The following SLC41A1 variants were observed in gnomAD, a reference collection of about 807,000 sequenced individuals.
The protein encoded by SLC41A1 is solute carrier family 41 (magnesium transporter), member 1.
A neutral mutation model predicts 47.3 loss-of-function variants in SLC41A1; 20 were observed. That is an observed-to-expected ratio of 0.42 (90% CI 0.30 to 0.61). The LOEUF is 0.61. Among genes scored for constraint, SLC41A1 ranks in the 20% least tolerant of loss-of-function variants. The pLI, the probability that SLC41A1 is intolerant of heterozygous loss-of-function variation, is 0.17. For synonymous variants in SLC41A1, 282 were observed against 272.7 expected (o/e 1.03, Z -0.34); for missense variants, 504 against 674.1 (o/e 0.75, Z 2.79).
At chr1:205,803,896 C>T (rs928453243) in intron 2 of SLC41A1, among the ~76,000 whole-genome samples, 1 of 152,032 alleles carries the variant, frequency 6.6e-6, no homozygotes, top group African/African-American at 2.4e-5. Flanking sequence ...GTGGGGACTA[C>T]AGGTATGAGG....
chr1:205,794,178 T>G (rs1655689638), intron 10 of SLC41A1, among the ~76,000 whole-genome samples: 1 of 152,144 alleles, frequency 6.6e-6, no homozygotes, highest in Non-Finnish European at 1.5e-5. Context: ...GTAAAACTGG[T>G]TCAATCTGAA....
In SLC41A1 at chr1:205,799,036, A is replaced by T. The variant is rs1303920116; in HGVS notation, c.618T>A (p.Asp206Glu). ...IAAVVFGWIPDGHFSIPHAFL... is the reference protein window; with the variant it reads ...IAAVVFGWIPEGHFSIPHAFL... ...AGGCGTGCGGAATACTGAAGTGGCC[A>T]TCAGGGATCCAGCCAAAGACGACGG... Residue 206 changes from aspartate to glutamate, a missense_variant, in exon 5 of 11, where the codon GAT becomes GAA. By Grantham distance (45) the Asp-to-Glu change is conservative. This residue lies in a region of SLC41A1 where 421 missense variants were observed against 601.6 expected (regional missense o/e 0.70). Transcript: ENST00000367137. 8 of 1,613,816 alleles carry T rather than the reference A, an allele frequency of 5.0e-6. No individual in the cohort carries two copies. The South Asian group carries it at 8.8e-5, about 18-fold the overall frequency.
chr1:205,804,301 G>A (rs562451228), intron 2 of SLC41A1, among the ~76,000 whole-genome samples: 2 of 152,210 alleles, frequency 1.3e-5, no homozygotes, highest in East Asian at 3.9e-4. Flanking sequence ...AGGATCCTGG[G>A]GAAGGACTCA....
At chr1:205,811,406 T>C (rs2102513315) in intron 1 of SLC41A1, among the ~76,000 whole-genome samples, 1 of 152,316 alleles carries the variant, frequency 6.6e-6, no homozygotes, top group East Asian at 1.9e-4. Context: ...CCTCAGCAAC[T>C]GGGGGTGGGT....
chr1:205,799,940 G>A, intron 3 of SLC41A1, 110 bp from the exon 4 acceptor site: 1 of 912,826 alleles, frequency 1.1e-6, no homozygotes, highest in African/African-American at 1.6e-5. Flanking sequence ...CTAAGACTCT[G>A]AGAGCAGGAC....
In SLC41A1 at chr1:205,795,379, C is replaced by G; in HGVS notation, c.1172G>C (p.Arg391Pro). The G allele has an allele frequency of 6.2e-7, 1 of 1,614,176 alleles. No homozygotes were observed. Among genetic ancestry groups the G allele is most frequent in the Non-Finnish European group, 8.5e-7 (1 of 1,180,026 alleles). ...GAAGGTGGTACAAGGACTGGGACAG[C>G]GGCGAGGAGCTTGCTCAGAGTTCTC... is the stretch of plus-strand genomic sequence containing the variant. Reference protein sequence around the residue: ...PGENSEQAPRRCPSPCTTFFS... With the variant: ...PGENSEQAPRPCPSPCTTFFS... The change falls in exon 9 of 11, where the codon CGC becomes CCC. Residue 391 changes from arginine (R) to proline (P), a missense_variant. Coordinates refer to ENST00000367137, the MANE Select transcript of SLC41A1 (RefSeq NM_173854.6).
At chr1:205,803,628 A>C (rs566924330) in intron 2 of SLC41A1, among the ~76,000 whole-genome samples, 17 of 125,056 alleles carry the variant, frequency 1.4e-4, no homozygotes, top group African/African-American at 4.9e-4. Context: ...AAAGTAGTCA[A>C]ATTCTTTTTT....
Position 205,810,585 on chromosome 1 carries a change from AC to A in SLC41A1, c.-145del. The A allele has an allele frequency of 7.9e-7, 1 of 1,263,866 alleles. No individual in the cohort carries two copies. Among genetic ancestry groups the A allele is most frequent in the Non-Finnish European group, 1.1e-6 (1 of 898,230 alleles). The allele number at this position is 1,263,866 out of a possible 1,614,324, so 78.3% of individuals were successfully genotyped here. On this transcript the variant is annotated 5_prime_UTR_variant, in exon 2 of 11. An upstream open reading frame in the 5' UTR loses its in-frame stop. Coordinates refer to ENST00000367137, the MANE Select transcript of SLC41A1 (RefSeq NM_173854.6). The surrounding 1 kb of genome is among the most constrained non-coding windows in gnomAD (Gnocchi z 5.5). ...CCTCTTCCCACGGCTCTCCACTCCT[AC>A]CAGGCACTGCAAAAACTGATCCACC...
intron 6 of SLC41A1, among the ~76,000 whole-genome samples, chr1:205,798,307 A>C (rs906372073): frequency 6.6e-6 from 1 of 152,174 alleles, no homozygotes; most frequent in African/African-American, 2.4e-5. Context: ...CAGAGGACAG[A>C]GACTCTAGGT....
At chr1:205,802,300 C>G (rs967455128) in intron 2 of SLC41A1, among the ~76,000 whole-genome samples, 1 of 152,186 alleles carries the variant, frequency 6.6e-6, no homozygotes, top group Non-Finnish European at 1.5e-5. Context: ...TACACCTCCT[C>G]ACGTAGACCG....
intron 8 of SLC41A1, 78 bp from the exon 9 acceptor site, chr1:205,795,556 T>C: frequency 6.4e-6 from 10 of 1,554,844 alleles, no homozygotes; most frequent in Non-Finnish European, 8.8e-6. Context: ...TCTCACTCTT[T>C]GTCTTCTATC....
In SLC41A1 at chr1:205,799,170, T is replaced by C. The variant is rs1209941201; in HGVS notation, c.553-69A>G. ...GCTTCCTAAGCTGAGGTCATAAGCA[T>C]CTGGGCAGACCTCTTCCTGGCTGGC... is the stretch of plus-strand genomic sequence containing the variant. On this transcript the variant is annotated intron_variant, in intron 4 of 10. Coordinates refer to ENST00000367137, the MANE Select transcript of SLC41A1 (RefSeq NM_173854.6). 3 of 1,603,010 alleles carry C rather than the reference T, an allele frequency of 1.9e-6. No homozygotes were observed. In the African/African-American group the frequency reaches 4.0e-5, roughly 21 times the overall value.
At chr1:205,805,660 A>C (rs150639008) in intron 2 of SLC41A1, among the ~76,000 whole-genome samples, 294 of 152,244 alleles carry the variant, frequency 1.9e-3, no homozygotes, top group Non-Finnish European at 3.0e-3. Flanking sequence ...TTCCTTCTCT[A>C]ACCTTGGTGT....
chr1:205,798,847 GGTGA>G, intron 5 of SLC41A1, 32 bp from the exon 6 acceptor site: 1 of 1,614,130 alleles, frequency 6.2e-7, no homozygotes, highest in Non-Finnish European at 8.5e-7. Flanking sequence ...GGGCAGGCAG[GGTGA>G]GAAGAGATAA....
chr1:205,800,924 G>GC (rs772016862), intron 3 of SLC41A1, 29 bp downstream of exon 3: 3 of 1,590,712 alleles, frequency 1.9e-6, no homozygotes, highest in Non-Finnish European at 1.7e-6. Context: ...TCCTCTCTGT[G>GC]CCCCACTCCT....
At chr1:205,806,881 AT>A (rs996851492) in intron 2 of SLC41A1, among the ~76,000 whole-genome samples, 1 of 151,686 alleles carries the variant, frequency 6.6e-6, no homozygotes, top group African/African-American at 2.4e-5. Flanking sequence ...TTTTATTTTT[AT>A]TTTTTTTGCA....
chr1:205,791,439 AGGTGGGAGTGTGG>A lies in SLC41A1; in HGVS notation c.*81_*93del. Reference sequence around the variant, plus strand: ...GGTATCAAAGTGAAGTCCTAGAAAGAGGTGGGAGTGTGGGGTGGAGGAGGGACAGGGGAACAAA... The same window carrying A: ...GGTATCAAAGTGAAGTCCTAGAAAGAGGTGGAGGAGGGACAGGGGAACAAA... On this transcript the variant is annotated 3_prime_UTR_variant, in exon 11 of 11. Coordinates refer to ENST00000367137, the MANE Select transcript of SLC41A1 (RefSeq NM_173854.6). The surrounding 1 kb of genome is among the most constrained non-coding windows in gnomAD (Gnocchi z 4.0). The A allele has an allele frequency of 7.0e-7, 1 of 1,420,082 alleles. No individual in the cohort carries two copies. 88.0% of individuals were successfully genotyped at this position (1,420,082 alleles called of 1,614,324 possible). A position where few individuals can be genotyped will look rare whatever the true frequency, so the allele number is the denominator to read the frequency against.
Position 205,810,672 on chromosome 1 carries a change from C to G in SLC41A1, c.-231G>C. 1 of 607,846 alleles carries G rather than the reference C, an allele frequency of 1.6e-6. No individual in the cohort carries two copies. Among genetic ancestry groups the G allele is most frequent in the Non-Finnish European group, 2.9e-6 (1 of 349,062 alleles). The allele number at this position is 607,846 out of a possible 1,614,324, so 37.7% of individuals were successfully genotyped here. A position where few individuals can be genotyped will look rare whatever the true frequency, so the allele number is the denominator to read the frequency against. On this transcript the variant is annotated 5_prime_UTR_variant, in exon 2 of 11. Transcript: ENST00000367137. This position sits in a 1 kb window ranked among gnomAD's most constrained non-coding sequence, Gnocchi z 5.5. ...TGGGAAGAAACAAGAAATTCCTCAC[C>G]AGACAGCCACTAGGGGTGCAGATGC...
chr1:205,798,870 C>A, intron 5 of SLC41A1, 55 bp from the exon 6 acceptor site: 1 of 1,614,086 alleles, frequency 6.2e-7, no homozygotes, highest in South Asian at 1.1e-5. Context: ...AAAGGAGTCT[C>A]AACAAACAAA....
Sources: allele counts gnomAD v4.1 joint callset (sites outside exome capture counted in the v4.1 genomes callset), GRCh38; gene constraint gnomAD v4.1.1; regional missense constraint gnomAD v4.1.1; non-coding constraint Gnocchi (gnomAD v3.1); transcripts MANE v1.5; gene names NCBI Gene and HGNC (gene_info 2026-07-23, HGNC 2026-07-21).